Variants in PALLD observed in about 807,000 individuals in gnomAD.
PALLD encodes the protein palladin.
PALLD carries 61 observed loss-of-function variants against 123.5 expected under a neutral mutation model. The ratio of observed to expected loss-of-function variants is 0.49; its 90% CI spans 0.40 to 0.61. PALLD has a LOEUF of 0.61. Ranked by LOEUF, PALLD falls within the 20% of genes least tolerant of loss-of-function variation. The pLI is 0.00. For missense variants in PALLD, 1,273 were observed against 1,377.0 expected, an observed-to-expected ratio of 0.92 and a Z score of 1.20; for synonymous variants, 465 against 496.4, an observed-to-expected ratio of 0.94 and a Z score of 0.84.
intron 8 of PALLD, chr4:168,700,070 A>G: frequency 3.0e-6 from 1 of 330,886 alleles, no homozygotes; most frequent in East Asian, 1.0e-4. Flanking sequence ...AAAATTCAGT[A>G]TTACAACCTG....
chr4:168,718,033 A>G (rs969984014), intron 10 of PALLD, among the ~76,000 whole-genome samples: 1 of 152,174 alleles, frequency 6.6e-6, no homozygotes, highest in Admixed American at 6.5e-5. Flanking sequence ...TTGACATGTT[A>G]ACACCCCATC....
chr4:168,777,750 A>C (rs182493654), intron 10 of PALLD, among the ~76,000 whole-genome samples: 2 of 152,284 alleles, frequency 1.3e-5, no homozygotes, highest in Admixed American at 6.5e-5. Flanking sequence ...TTCCTTGGAG[A>C]ACAATGCCTC....
At chr4:168,576,385 C>G (rs1409841540) in intron 2 of PALLD, among the ~76,000 whole-genome samples, 1 of 152,056 alleles carries the variant, frequency 6.6e-6, no homozygotes, top group Non-Finnish European at 1.5e-5. Context: ...TCCGTCCCCC[C>G]TCCCCCAACC....
intron 3 of PALLD, among the ~76,000 whole-genome samples, chr4:168,678,484 G>A (rs1413525748): frequency 6.6e-6 from 1 of 152,184 alleles, no homozygotes; most frequent in East Asian, 1.9e-4. Flanking sequence ...GCACAGAATA[G>A]TGCCTGGGCT....
chr4:168,789,128 C>T (rs1310544995), intron 10 of PALLD, among the ~76,000 whole-genome samples: 1 of 152,138 alleles, frequency 6.6e-6, no homozygotes, highest in Non-Finnish European at 1.5e-5. Flanking sequence ...CATACTCTTT[C>T]GTATCTTGAT....
intron 2 of PALLD, among the ~76,000 whole-genome samples, chr4:168,580,610 A>G (rs1770157141): frequency 6.6e-6 from 1 of 152,098 alleles, no homozygotes; most frequent in African/African-American, 2.4e-5. Context: ...TGACCCAACA[A>G]TCACATTACC....
At chr4:168,865,343 CCTT>C (rs1388492451) in intron 10 of PALLD, among the ~76,000 whole-genome samples, 11 of 152,334 alleles carry the variant, frequency 7.2e-5, no homozygotes, top group African/African-American at 2.4e-4. Context: ...AGAACTTTCT[CCTT>C]CTTCAGAGGA....
chr4:168,876,665 C>CA (rs1751792280), intron 10 of PALLD, among the ~76,000 whole-genome samples: 1 of 152,168 alleles, frequency 6.6e-6, no homozygotes, highest in Non-Finnish European at 1.5e-5. Context: ...TTTTATTGGC[C>CA]ACTTCAATTC....
intron 13 of PALLD, 56 bp from the exon 14 acceptor site, chr4:168,898,437 C>A: frequency 9.1e-7 from 1 of 1,097,126 alleles, no homozygotes; most frequent in African/African-American, 1.5e-5. Flanking sequence ...CAGGGAGAGA[C>A]GTGACACTTT....
intron 10 of PALLD, among the ~76,000 whole-genome samples, chr4:168,882,243 G>C (rs1442898614): frequency 6.6e-6 from 1 of 152,190 alleles, no homozygotes; most frequent in Non-Finnish European, 1.5e-5. Context: ...TAGGAAACGG[G>C]TAGGTGGGGA....
intron 10 of PALLD, among the ~76,000 whole-genome samples, chr4:168,872,824 A>G (rs567974700): frequency 3.9e-4 from 59 of 152,364 alleles, no homozygotes; most frequent in African/African-American, 1.4e-3. Flanking sequence ...GAAGATATCA[A>G]TTGAGCTCTG....
At chr4:168,814,130 CA>C (rs1192917264) in intron 10 of PALLD, among the ~76,000 whole-genome samples, 5 of 152,152 alleles carry the variant, frequency 3.3e-5, no homozygotes, top group Non-Finnish European at 5.9e-5. Flanking sequence ...AAACCAGTCT[CA>C]GAAAGTTTGA....
At chr4:168,782,289 A>AG (rs1736036839) in intron 10 of PALLD, among the ~76,000 whole-genome samples, 1 of 152,216 alleles carries the variant, frequency 6.6e-6, no homozygotes, top group South Asian at 2.1e-4. Context: ...GTTGATGTAG[A>AG]GCGAATTATA....
chr4:168,681,498 A>G, intron 4 of PALLD, 100 bp downstream of exon 4: 2 of 784,102 alleles, frequency 2.6e-6, no homozygotes, highest in Non-Finnish European at 4.5e-6. Flanking sequence ...GAAAAAAGTC[A>G]ACTGATGTTA....
At chr4:168,726,549 ATTT>A in intron 10 of PALLD, among the ~76,000 whole-genome samples, 1 of 151,296 alleles carries the variant, frequency 6.6e-6, no homozygotes, top group African/African-American at 2.4e-5. Flanking sequence ...TGCCTGGCTA[ATTT>A]TTTTCTTTTT....
At position 168,927,253 on chromosome 4, in the gene PALLD, G is replaced by T; in HGVS notation, c.*1073G>T. The T allele has an allele frequency of 4.3e-6, 1 of 231,152 alleles. No homozygotes were observed. The highest frequency in any genetic ancestry group is 8.6e-6 in the Non-Finnish European group (1 of 116,440). 14.3% of individuals were successfully genotyped at this position (231,152 alleles called of 1,614,324 possible). On this transcript the variant is annotated 3_prime_UTR_variant, in exon 22 of 22. Coordinates refer to ENST00000505667, the MANE Select transcript of PALLD (RefSeq NM_001166108.2). ...AAAATGCAACCAGCATGATTATAGT[G>T]TGTTCATTTAGATAAAAGTAGAAGG... is the stretch of plus-strand genomic sequence containing the variant.
intron 10 of PALLD, among the ~76,000 whole-genome samples, chr4:168,750,254 A>G (rs1730877911): frequency 6.6e-6 from 1 of 152,068 alleles, no homozygotes; most frequent in African/African-American, 2.4e-5. Context: ...GCCAGTTTCC[A>G]CTTATAAGCG....
At chr4:168,639,734 C>T (rs982599673) in intron 2 of PALLD, among the ~76,000 whole-genome samples, 39 of 152,006 alleles carry the variant, frequency 2.6e-4, no homozygotes, top group African/African-American at 5.8e-4. Context: ...TTAGTAGAGA[C>T]GGGGTTTCAC....
At chr4:168,794,496 ACACACACACG>A (rs1208630676) in intron 10 of PALLD, among the ~76,000 whole-genome samples, 18 of 132,744 alleles carry the variant, frequency 1.4e-4, no homozygotes, top group African/African-American at 3.3e-4. Flanking sequence ...ACATGCACGC[ACACACACACG>A]CACACACACA....
Sources: allele counts gnomAD v4.1 joint callset (sites outside exome capture counted in the v4.1 genomes callset), GRCh38; gene constraint gnomAD v4.1.1; transcripts MANE v1.5; gene names NCBI Gene and HGNC (gene_info 2026-07-23, HGNC 2026-07-21).